The following CECR2 variants were observed in gnomAD, a reference collection of about 807,000 sequenced individuals.
The protein encoded by CECR2 is CECR2 histone acetyl-lysine reader, also known as chromatin remodeling regulator CECR2.
Under a neutral mutation model 154.5 loss-of-function variants are expected in CECR2, and 30 were observed. That is an observed-to-expected ratio of 0.19 (90% CI 0.15 to 0.26). The LOEUF (loss-of-function observed/expected upper bound fraction) is 0.26, where lower values mean the gene tolerates loss of function less well. CECR2 is among the 10% of genes least tolerant of loss of function. CECR2 has a pLI of 1.00. For synonymous variants in CECR2, 725 were observed against 683.7 expected (o/e 1.06, Z -0.94); for missense variants, 1,743 against 1,829.3 (o/e 0.95, Z 0.86).
intron 6 of CECR2, among the ~76,000 whole-genome samples, chr22:17,503,589 A>C (rs722751): frequency 0.13 from 20,014 of 152,240 alleles, 1,540 homozygotes; most frequent in Non-Finnish European, 0.18. Context: ...AAGACTCAAA[A>C]TCAAAACCAT....
intron 9 of CECR2, among the ~76,000 whole-genome samples, chr22:17,533,223 G>T (rs2056386129): frequency 6.6e-6 from 1 of 151,554 alleles, no homozygotes; most frequent in African/African-American, 2.4e-5. Context: ...GAGAGGCTGA[G>T]GCATGAGAAT....
At chr22:17,414,161 A>G (rs2054114961) in intron 1 of CECR2, among the ~76,000 whole-genome samples, 1 of 150,662 alleles carries the variant, frequency 6.6e-6, no homozygotes, top group South Asian at 2.1e-4. Flanking sequence ...TTTAGTAGAG[A>G]TGGGATTTCA....
At chr22:17,369,937 C>A (rs1475302461) in intron 1 of CECR2, 28 bp downstream of exon 1, 1 of 150,840 alleles carries the variant, frequency 6.6e-6, no homozygotes, top group Non-Finnish European at 1.5e-5. Flanking sequence ...CGGGAGGCGG[C>A]GCGCTGCGCC....
At chr22:17,537,790 C>T (rs968297770) in intron 10 of CECR2, among the ~76,000 whole-genome samples, 6 of 152,008 alleles carry the variant, frequency 3.9e-5, no homozygotes, top group African/African-American at 4.8e-5. Context: ...GTCAGGAGTT[C>T]GAGACCAGCC....
chr22:17,472,073 G>C (rs1383270278), intron 1 of CECR2, among the ~76,000 whole-genome samples: 1 of 152,148 alleles, frequency 6.6e-6, no homozygotes, highest in African/African-American at 2.4e-5. Flanking sequence ...TGACACAGCT[G>C]TTTGATGCAA....
In CECR2 at chr22:17,498,112, C is replaced by T. The variant is rs558200807; in HGVS notation, c.405+526C>T. On this transcript the variant is annotated intron_variant, in intron 3 of 18. Coordinates refer to ENST00000262608, the MANE Select transcript of CECR2 (RefSeq NM_001290047.2). Reference sequence around the variant, plus strand: ...TTTAGAAGTATATCCTAGAGGGGGCCGGGTGCTGTGGCTCACGCCTGTAAT... The same window carrying T: ...TTTAGAAGTATATCCTAGAGGGGGCTGGGTGCTGTGGCTCACGCCTGTAAT... Among the ~76,000 whole-genome samples the T allele has an allele frequency of 1.8e-3, 270 of 152,260 alleles. 4 individuals carry two copies. In the South Asian group the frequency reaches 0.026, roughly 15 times the overall value.
chr22:17,514,209 C>T (rs568621193), intron 8 of CECR2, among the ~76,000 whole-genome samples: 19 of 152,266 alleles, frequency 1.2e-4, no homozygotes, highest in African/African-American at 4.1e-4. Flanking sequence ...ATTCGGGATG[C>T]AGTGGTTATT....
At chr22:17,499,659 T>A (rs2055699759) in intron 4 of CECR2, 110 bp downstream of exon 4, 3 of 1,100,790 alleles carry the variant, frequency 2.7e-6, no homozygotes, top group African/African-American at 1.6e-5. Flanking sequence ...AGGAATTCTC[T>A]AAGCATGCCT....
At chr22:17,469,554 T>C (rs2055087831) in intron 1 of CECR2, among the ~76,000 whole-genome samples, 1 of 152,004 alleles carries the variant, frequency 6.6e-6, no homozygotes, top group African/African-American at 2.4e-5. Flanking sequence ...TTTCCCATGA[T>C]GGACAGCATA....
chr22:17,421,046 T>C (rs1312037914), intron 1 of CECR2, among the ~76,000 whole-genome samples: 2 of 152,240 alleles, frequency 1.3e-5, no homozygotes. Flanking sequence ...TATAATAGAA[T>C]ACATTGTTGC....
At chr22:17,421,876 T>TG (rs1221250662) in intron 1 of CECR2, among the ~76,000 whole-genome samples, 5 of 150,782 alleles carry the variant, frequency 3.3e-5, no homozygotes, top group African/African-American at 1.2e-4. Context: ...AAAAACTTTT[T>TG]TTTTTTTTTA....
chr22:17,479,399 T>C (rs5747200), intron 2 of CECR2, among the ~76,000 whole-genome samples: 37,918 of 152,112 alleles, frequency 0.25, 5,085 homozygotes, highest in East Asian at 0.31. Flanking sequence ...GGGAGGTCCA[T>C]GAATCATTAC....
intron 7 of CECR2, among the ~76,000 whole-genome samples, chr22:17,508,225 T>A (rs2055881171): frequency 6.6e-6 from 1 of 152,222 alleles, no homozygotes; most frequent in Non-Finnish European, 1.5e-5. Context: ...CATTTCTTTT[T>A]ATAAATTGAG....
chr22:17,515,017 C>G (rs577947432), intron 8 of CECR2, among the ~76,000 whole-genome samples: 12 of 146,664 alleles, frequency 8.2e-5, no homozygotes, highest in Non-Finnish European at 1.3e-4. Flanking sequence ...AGCAAGACTC[C>G]GTCTCAAAAA....
intron 1 of CECR2, among the ~76,000 whole-genome samples, chr22:17,438,933 G>C (rs150792867): frequency 2.0e-5 from 3 of 152,024 alleles, no homozygotes; most frequent in Non-Finnish European, 4.4e-5. Context: ...CCACACTTTG[G>C]GGGAGGTCAA....
At chr22:17,370,794 C>G (rs572675875) in intron 1 of CECR2, among the ~76,000 whole-genome samples, 2 of 152,254 alleles carry the variant, frequency 1.3e-5, no homozygotes. Context: ...AGCCCAGCGG[C>G]AGCCCCCTTT....
At chr22:17,428,489 C>T (rs893238582) in intron 1 of CECR2, 6 of 114,850 alleles carry the variant, frequency 5.2e-5, no homozygotes, top group African/African-American at 8.5e-5. Context: ...GGAATATCTT[C>T]ATAAAGAGAA....
intron 1 of CECR2, chr22:17,419,462 G>A (rs759307762): frequency 5.0e-6 from 1 of 201,930 alleles, no homozygotes; most frequent in Non-Finnish European, 1.0e-5. Context: ...GATCCCCCAC[G>A]CCTGAGGAAG....
intron 1 of CECR2, among the ~76,000 whole-genome samples, chr22:17,446,309 T>C (rs1210891128): frequency 6.6e-6 from 1 of 152,170 alleles, no homozygotes; most frequent in East Asian, 1.9e-4. Context: ...CTAGGAGCTA[T>C]GATTAGCTAT....
Sources: gnomAD v4.1 joint callset for allele counts (sites outside exome capture counted in the v4.1 genomes callset) on GRCh38, gnomAD v4.1.1 for gene constraint, MANE v1.5 for transcripts, NCBI Gene and HGNC (gene_info 2026-07-23, HGNC 2026-07-21) for gene names.